The following DHX29 variants were observed in gnomAD, a reference collection of about 807,000 sequenced individuals.
DHX29 encodes the protein DExH-box helicase 29.
DHX29 carries 79 observed loss-of-function variants against 167.9 expected under a neutral mutation model. The ratio of observed to expected loss-of-function variants is 0.47; its 90% confidence interval spans 0.39 to 0.57. The LOEUF (loss-of-function observed/expected upper bound fraction) is 0.57, where lower values mean the gene tolerates loss of function less well. Ranked by LOEUF, DHX29 falls within the 20% of genes least tolerant of loss-of-function variation. The pLI is 0.00. For synonymous variants in DHX29, 530 were observed against 546.0 expected, an observed-to-expected ratio of 0.97 and a Z score of 0.41; for missense variants, 1,347 against 1,593.4, an observed-to-expected ratio of 0.85 and a Z score of 2.63.
intron 11 of DHX29, among the ~76,000 whole-genome samples, chr5:55,282,801 C>G (rs1747501223): frequency 6.6e-6 from 1 of 151,694 alleles, no homozygotes; most frequent in African/African-American, 2.4e-5. Flanking sequence ...CTGTTTTTCC[C>G]TTCTGCTCAC....
At chr5:55,294,750 G>A (rs1242313717) in intron 5 of DHX29, 1 of 152,434 alleles carries the variant, frequency 6.6e-6, no homozygotes, top group Non-Finnish European at 1.5e-5. Flanking sequence ...TTTTTTCGTA[G>A]ACGTTTTACA....
At chr5:55,265,670 TAA>T (rs11362570) in intron 23 of DHX29, among the ~76,000 whole-genome samples, 26 of 143,486 alleles carry the variant, frequency 1.8e-4, no homozygotes, top group African/African-American at 5.9e-4. Context: ...GAACTAGCTG[TAA>T]AAAAAAAAAA....
intron 4 of DHX29, 25 bp downstream of exon 4, chr5:55,296,195 G>A (rs778027216): frequency 6.3e-7 from 1 of 1,584,870 alleles, no homozygotes; most frequent in Non-Finnish European, 8.6e-7. Context: ...TTTAGAAACT[G>A]AAAGAATTTA....
At chr5:55,304,933 T>C (rs1748788195) in intron 1 of DHX29, among the ~76,000 whole-genome samples, 1 of 152,216 alleles carries the variant, frequency 6.6e-6, no homozygotes, top group Non-Finnish European at 1.5e-5. Context: ...TACTATATAT[T>C]AAAAGCACCC....
chr5:55,261,792 G>T (rs1746328019), intron 24 of DHX29, among the ~76,000 whole-genome samples: 1 of 152,102 alleles, frequency 6.6e-6, no homozygotes, highest in Admixed American at 6.5e-5. Context: ...ATATGCTAAT[G>T]ATATTAAATA....
intron 20 of DHX29, 128 bp from the exon 21 acceptor site, chr5:55,269,765 G>A (rs1746759468): frequency 1.4e-6 from 1 of 705,388 alleles, no homozygotes; most frequent in Non-Finnish European, 2.4e-6. Flanking sequence ...TGAAAGTAGG[G>A]CTATCCTGTT....
Position 55,274,990 on chromosome 5 carries a change from A to C in DHX29, c.2448T>G (p.Thr816=). Residue 816 remains threonine, a synonymous_variant, in exon 15 of 27, where the codon ACT becomes ACG. Coordinates refer to ENST00000251636, the MANE Select transcript of DHX29 (RefSeq NM_019030.4). ...KKYQEYIPVQ[T]GAHADLNPFY... ...ATGGATTTAAATCAGCATGTGCTCCAGTCTGAACTGGGATGTATTCCTAAA... is the reference window on the plus strand; with the variant it reads ...ATGGATTTAAATCAGCATGTGCTCCCGTCTGAACTGGGATGTATTCCTAAA... 1 of 1,613,698 alleles carries C rather than the reference A, an allele frequency of 6.2e-7. No individual in the cohort carries two copies.
rs1211649868 is a variant in DHX29 at position 55,285,834 on chromosome 5, CT to C, written c.1093del (p.Arg365GlufsTer19). 6.3e-7 allele frequency: 1 copy of C among 1,579,696 alleles called. No homozygotes were observed. Among genetic ancestry groups the C allele is most frequent in the East Asian group, 2.3e-5 (1 of 44,194 alleles). ...ACTTCGAGCAGTATAGTCAAAATTT[CT>C]TACATCATGAGGTTCTTTCTTTTTA... Reference protein sequence around the residue: ...KDKKKEPHDVRNFDYTARSWT... With the variant: ...KDKKKEPHDVXNFDYTARSWT... On this transcript the variant is annotated frameshift_variant, in exon 9 of 27. Transcript: ENST00000251636. LOFTEE classifies it high-confidence loss of function.
intron 23 of DHX29, among the ~76,000 whole-genome samples, chr5:55,264,460 G>A (rs928360861): frequency 9.2e-5 from 14 of 152,140 alleles, no homozygotes; most frequent in Non-Finnish European, 1.2e-4. Flanking sequence ...CAATATTTAG[G>A]GACATATAAT....
chr5:55,301,331 G>A (rs1201310568), intron 1 of DHX29, among the ~76,000 whole-genome samples: 1 of 152,144 alleles, frequency 6.6e-6, no homozygotes, highest in Non-Finnish European at 1.5e-5. Context: ...GAATTATTAT[G>A]AAAAGTTTTC....
intron 23 of DHX29, 101 bp downstream of exon 23, chr5:55,267,037 C>A: frequency 1.4e-6 from 1 of 692,158 alleles, no homozygotes; most frequent in South Asian, 2.2e-5. Flanking sequence ...GTTTACTAAG[C>A]CCTTACTATG....
chr5:55,284,640 C>A (rs1747620188), intron 10 of DHX29, among the ~76,000 whole-genome samples: 1 of 152,064 alleles, frequency 6.6e-6, no homozygotes, highest in Non-Finnish European at 1.5e-5. Context: ...ACTGACAATC[C>A]AAAATTTTAA....
chr5:55,282,679 G>A (rs1197519021), intron 11 of DHX29, among the ~76,000 whole-genome samples: 1 of 151,884 alleles, frequency 6.6e-6, no homozygotes, highest in African/African-American at 2.4e-5. Context: ...GTTAAGGTTT[G>A]GCCAGTTTTG....
intron 6 of DHX29, among the ~76,000 whole-genome samples, 174 bp from the exon 7 acceptor site, chr5:55,290,518 G>A (rs770571662): frequency 6.6e-6 from 1 of 152,192 alleles, no homozygotes; most frequent in East Asian, 1.9e-4. Flanking sequence ...AGATTTGCAG[G>A]TGCATAGATG....
intron 17 of DHX29, among the ~76,000 whole-genome samples, chr5:55,272,961 C>T (rs1483373322): frequency 6.6e-6 from 1 of 152,136 alleles, no homozygotes; most frequent in Non-Finnish European, 1.5e-5. Flanking sequence ...AGAATACTCC[C>T]AGGATTTAAA....
chr5:55,285,432 C>T lies in DHX29; in HGVS notation c.1233-16G>A, dbSNP rs776673002. ...TACCCTAACCCTACAAAGAAGCAAA[C>T]GCATTTTAAAAAAATAAAGTTGACA... is the stretch of plus-strand genomic sequence containing the variant. On this transcript the variant is annotated splice_polypyrimidine_tract_variant and intron_variant, in intron 9 of 26. Coordinates refer to ENST00000251636, the MANE Select transcript of DHX29 (RefSeq NM_019030.4). 3.0e-5 allele frequency: 47 copies of T among 1,575,396 alleles called. No individual in the cohort carries two copies. The highest frequency in any genetic ancestry group is 2.8e-4 in the South Asian group (24 of 84,894).
Position 55,285,684 on chromosome 5 carries a change from CA to C in DHX29, c.1232+11del. 1 of 1,546,416 alleles carries C rather than the reference CA, an allele frequency of 6.5e-7. No homozygotes were observed. The highest frequency in any genetic ancestry group is 8.7e-7 in the Non-Finnish European group (1 of 1,146,122). On this transcript the variant is annotated intron_variant, in intron 9 of 26. Transcript: ENST00000251636. ...TTCAGTTAATTAAAAACAACAACAACAAAAAACATACCTACATTTCCAGTAT... is the reference window on the plus strand; with the variant it reads ...TTCAGTTAATTAAAAACAACAACAACAAAAACATACCTACATTTCCAGTAT...
At chr5:55,299,036 C>CAAA (rs35986300) in intron 1 of DHX29, among the ~76,000 whole-genome samples, 107 of 75,972 alleles carry the variant, frequency 1.4e-3, no homozygotes, top group Non-Finnish European at 1.9e-3. Context: ...GACTCCGTCT[C>CAAA]AAAAAAAAAA....
intron 11 of DHX29, 104 bp from the exon 12 acceptor site, chr5:55,281,619 T>C (rs775137633): frequency 1.3e-4 from 90 of 719,650 alleles, no homozygotes; most frequent in African/African-American, 1.6e-4. Context: ...AAATGGAGCA[T>C]TGTAAGTAAT....
Sources: allele counts gnomAD v4.1 joint callset (sites outside exome capture counted in the v4.1 genomes callset), GRCh38; gene constraint gnomAD v4.1.1; transcripts MANE v1.5; gene names NCBI Gene and HGNC (gene_info 2026-07-23, HGNC 2026-07-21).